The following SOX5 variants were observed in gnomAD, a reference collection of about 807,000 sequenced individuals.
SOX5 encodes the protein SRY-box transcription factor 5.
Under a neutral mutation model 92.0 loss-of-function variants are expected in SOX5, and 9 were observed. The ratio of observed to expected loss-of-function variants is 0.10; its 90% confidence interval spans 0.06 to 0.17. The LOEUF (loss-of-function observed/expected upper bound fraction) is 0.17, where lower values mean the gene tolerates loss of function less well. Ranked by LOEUF, SOX5 falls within the 10% of genes least tolerant of loss-of-function variation. The pLI is 1.00. For synonymous variants in SOX5, 344 were observed against 336.3 expected (o/e 1.02, Z -0.25); for missense variants, 642 against 944.5 (o/e 0.68, Z 4.20).
At chr12:24,094,199 G>A (rs538220622) in intron 4 of SOX5, among the ~76,000 whole-genome samples, 7 of 151,978 alleles carry the variant, frequency 4.6e-5, no homozygotes, top group Non-Finnish European at 7.4e-5. Context: ...CACCCACCTC[G>A]GCCTACCAAA....
At chr12:23,625,451 T>A (rs1318618529) in intron 8 of SOX5, among the ~76,000 whole-genome samples, 1 of 152,218 alleles carries the variant, frequency 6.6e-6, no homozygotes, top group Non-Finnish European at 1.5e-5. Context: ...TTCTAATATA[T>A]ATGATGTTAT....
chr12:23,569,558 C>T (rs1947775861), intron 10 of SOX5, among the ~76,000 whole-genome samples: 1 of 152,168 alleles, frequency 6.6e-6, no homozygotes, highest in Admixed American at 6.5e-5. Context: ...AGAGTCTCCT[C>T]ATGATGTCAA....
intron 3 of SOX5, among the ~76,000 whole-genome samples, chr12:24,248,183 A>C (rs1231056069): frequency 6.6e-6 from 1 of 152,170 alleles, no homozygotes; most frequent in Non-Finnish European, 1.5e-5. Context: ...CTAGAAATAC[A>C]CTGTTGGGGA....
intron 2 of SOX5, among the ~76,000 whole-genome samples, chr12:24,349,551 G>T (rs1021486541): frequency 1.3e-5 from 2 of 152,146 alleles, no homozygotes; most frequent in Admixed American, 1.3e-4. Flanking sequence ...TTAGTGACTA[G>T]CTTATCTGAC....
chr12:24,262,343 T>C (rs770100882), intron 3 of SOX5, among the ~76,000 whole-genome samples: 5 of 152,182 alleles, frequency 3.3e-5, no homozygotes, highest in Non-Finnish European at 4.4e-5. Flanking sequence ...ACACATCTCC[T>C]TGCCTGTCTG....
At chr12:24,235,269 G>C (rs892208188) in intron 3 of SOX5, among the ~76,000 whole-genome samples, 3 of 152,168 alleles carry the variant, frequency 2.0e-5, no homozygotes, top group African/African-American at 7.2e-5. Flanking sequence ...CAGAGGCATA[G>C]AGTAATAAAA....
At chr12:23,751,937 A>C (rs1168448376) in intron 4 of SOX5, among the ~76,000 whole-genome samples, 1 of 150,378 alleles carries the variant, frequency 6.6e-6, no homozygotes, top group Non-Finnish European at 1.5e-5. Context: ...ACCAGGCTCT[A>C]AAAAACTCTT....
At chr12:24,057,911 C>T (rs1958291140) in intron 4 of SOX5, among the ~76,000 whole-genome samples, 1 of 152,162 alleles carries the variant, frequency 6.6e-6, no homozygotes, top group Non-Finnish European at 1.5e-5. Flanking sequence ...ACGTTAATTT[C>T]TCCACAGTCT....
At chr12:23,844,168 T>G (rs1203337945) in intron 3 of SOX5, among the ~76,000 whole-genome samples, 3 of 152,222 alleles carry the variant, frequency 2.0e-5, no homozygotes, top group Non-Finnish European at 4.4e-5. Flanking sequence ...AGTATCATTG[T>G]TTACCCTCTT....
intron 3 of SOX5, among the ~76,000 whole-genome samples, chr12:23,838,853 G>C (rs944873096): frequency 1.0e-5 from 1 of 96,330 alleles, no homozygotes; most frequent in African/African-American, 3.7e-5. Context: ...TGGGGGGGGG[G>C]GGCGGGGATG....
intron 9 of SOX5, among the ~76,000 whole-genome samples, chr12:23,590,310 C>T (rs1241973206): frequency 6.6e-6 from 1 of 151,988 alleles, no homozygotes; most frequent in Non-Finnish European, 1.5e-5. Context: ...GGAAGTTAGA[C>T]TTCATTTTTT....
intron 6 of SOX5, among the ~76,000 whole-genome samples, chr12:23,702,795 T>C (rs1356060225): frequency 6.6e-6 from 1 of 151,870 alleles, no homozygotes; most frequent in Non-Finnish European, 1.5e-5. Flanking sequence ...CATGTATATA[T>C]GTGTATAGAA....
chr12:24,466,758 T>C (rs1944280904), intron 1 of SOX5, among the ~76,000 whole-genome samples: 1 of 152,172 alleles, frequency 6.6e-6, no homozygotes, highest in Non-Finnish European at 1.5e-5. Context: ...AAAAACAGTT[T>C]GTGGGCTCCT....
chr12:24,508,416 T>C (rs1194991531), intron 1 of SOX5, among the ~76,000 whole-genome samples: 2 of 152,158 alleles, frequency 1.3e-5, no homozygotes, highest in Non-Finnish European at 2.9e-5. Context: ...GATGGACTGG[T>C]TGACTTTGAC....
chr12:24,062,991 C>G (rs1450209691), intron 4 of SOX5, among the ~76,000 whole-genome samples: 1 of 152,146 alleles, frequency 6.6e-6, no homozygotes, highest in Non-Finnish European at 1.5e-5. Context: ...ATACTATTAC[C>G]AAGTGCTTTA....
rs1225341642 is a variant in SOX5, at chr12:24,065,571, C to T, written c.-2+147772G>A. Among the ~76,000 whole-genome samples, 16 of 147,446 alleles carry T rather than the reference C, an allele frequency of 1.1e-4. No individual in the cohort carries two copies. In the South Asian group the frequency reaches 1.9e-3, roughly 18 times the overall value. On this transcript the variant is annotated intron_variant, in intron 4 of 4. Transcript: ENST00000446891. The stretch of plus-strand genomic sequence containing the variant: ...CTGAGGCAAGAGAATCGCTTGAACC[C>T]GGGAGGCAGAGGTTGCAGTGAGCTG...
chr12:23,708,971 G>C (rs1182872382), intron 6 of SOX5, among the ~76,000 whole-genome samples: 1 of 152,148 alleles, frequency 6.6e-6, no homozygotes, highest in Non-Finnish European at 1.5e-5. Flanking sequence ...AGATCATCAT[G>C]AAAACCATTT....
intron 3 of SOX5, among the ~76,000 whole-genome samples, chr12:23,840,383 G>A (rs971822091): frequency 2.6e-5 from 4 of 152,004 alleles, no homozygotes; most frequent in Non-Finnish European, 5.9e-5. Flanking sequence ...ATGATAACTT[G>A]GTATTTTTAA....
chr12:23,780,492 G>C (rs1056916477), intron 3 of SOX5, among the ~76,000 whole-genome samples: 4 of 151,694 alleles, frequency 2.6e-5, no homozygotes, highest in African/African-American at 9.7e-5. Context: ...GTGCTAACTG[G>C]GTGATACTGA....
Sources: allele counts gnomAD v4.1 joint callset (sites outside exome capture counted in the v4.1 genomes callset), GRCh38; gene constraint gnomAD v4.1.1; transcripts MANE v1.5; gene names NCBI Gene and HGNC (gene_info 2026-07-23, HGNC 2026-07-21).